The following NCAM1 variants were observed in gnomAD, a reference collection of about 807,000 sequenced individuals.
NCAM1 encodes the protein neural cell adhesion molecule 1, also known as antigen recognized by monoclonal antibody 5.1H11.
NCAM1 carries 14 observed loss-of-function variants against 109.8 expected under a neutral mutation model. That is an observed-to-expected ratio of 0.13 (90% CI 0.08 to 0.20). NCAM1 has a LOEUF of 0.20. NCAM1 is among the 10% of genes least tolerant of loss of function. NCAM1 has a pLI of 1.00. For synonymous variants in NCAM1, 418 were observed against 442.9 expected (o/e 0.94, Z 0.70); for missense variants, 774 against 1,109.9 (o/e 0.70, Z 4.30).
intron 14 of NCAM1, among the ~76,000 whole-genome samples, chr11:113,237,029 C>T (rs1016427025): frequency 2.0e-5 from 3 of 152,316 alleles, no homozygotes; most frequent in Admixed American, 2.0e-4. Context: ...TTGGGGAAGA[C>T]TAACCAGCTA....
At chr11:113,103,603 TG>T (rs1939978851) in intron 1 of NCAM1, among the ~76,000 whole-genome samples, 1 of 152,110 alleles carries the variant, frequency 6.6e-6, no homozygotes, top group South Asian at 2.1e-4. Flanking sequence ...CCAGTGATAA[TG>T]GGTGGGTTAT....
intron 1 of NCAM1, among the ~76,000 whole-genome samples, chr11:113,113,542 G>A (rs1452091020): frequency 1.3e-5 from 2 of 152,070 alleles, no homozygotes; most frequent in Non-Finnish European, 2.9e-5. Flanking sequence ...TGACTATTCA[G>A]CAGTTCTGTC....
At chr11:113,231,503 T>C in intron 9 of NCAM1, 142 bp from the exon 10 acceptor site, 1 of 965,794 alleles carries the variant, frequency 1.0e-6, no homozygotes, top group African/African-American at 1.6e-5. Context: ...AAGAAAGCCA[T>C]TGACACAGAG....
intron 15 of NCAM1, among the ~76,000 whole-genome samples, chr11:113,253,746 C>T (rs1047338269): frequency 1.4e-4 from 22 of 152,144 alleles, no homozygotes; most frequent in African/African-American, 5.3e-4. Context: ...ACTGATGCTG[C>T]CTATAAAAAT....
At chr11:112,972,342 G>A (rs1950906786) in intron 1 of NCAM1, among the ~76,000 whole-genome samples, 1 of 152,056 alleles carries the variant, frequency 6.6e-6, no homozygotes, top group Non-Finnish European at 1.5e-5. Context: ...ACTTTGCGGG[G>A]TTTTTATCAC....
chr11:113,217,498 C>T (rs1303864338), intron 8 of NCAM1, among the ~76,000 whole-genome samples: 2 of 152,004 alleles, frequency 1.3e-5, no homozygotes, highest in African/African-American at 2.4e-5. Flanking sequence ...TTCACTAGTG[C>T]TCCCCTAAAA....
At chr11:113,194,425 G>C (rs1428908670) in intron 1 of NCAM1, among the ~76,000 whole-genome samples, 2 of 152,158 alleles carry the variant, frequency 1.3e-5, no homozygotes, top group Non-Finnish European at 2.9e-5. Flanking sequence ...TACCAGGACT[G>C]CTTGCTGCAT....
At chr11:112,993,086 G>A (rs1233999528) in intron 1 of NCAM1, among the ~76,000 whole-genome samples, 1 of 152,096 alleles carries the variant, frequency 6.6e-6, no homozygotes, top group Non-Finnish European at 1.5e-5. Context: ...CTGATACTTT[G>A]CTTTTTGTAT....
At chr11:113,111,086 G>A (rs537132301) in intron 1 of NCAM1, among the ~76,000 whole-genome samples, 1 of 152,236 alleles carries the variant, frequency 6.6e-6, no homozygotes, top group East Asian at 1.9e-4. Flanking sequence ...ACAACTCATA[G>A]CACAGCTGGG....
At chr11:113,220,602 C>CTTTTTTTTTT (rs1175342641) in intron 8 of NCAM1, among the ~76,000 whole-genome samples, 2,050 of 75,606 alleles carry the variant, frequency 0.027, 350 homozygotes, top group African/African-American at 0.068. Flanking sequence ...CTCTCTCTCT[C>CTTTTTTTTTT]TTTTTTTTTT....
intron 1 of NCAM1, among the ~76,000 whole-genome samples, chr11:113,181,752 G>A (rs147442417): frequency 6.6e-4 from 101 of 152,170 alleles, no homozygotes; most frequent in African/African-American, 2.3e-3. Context: ...CCCCTCTTCC[G>A]AAAGAGGACT....
chr11:112,962,184 C>T lies in NCAM1; in HGVS notation c.52+520C>T, dbSNP rs1359698771. On this transcript the variant is annotated intron_variant, in intron 1 of 19. Coordinates refer to ENST00000316851, the MANE Select transcript of NCAM1 (RefSeq NM_181351.5). This position sits in a 1 kb window ranked among gnomAD's most constrained non-coding sequence, Gnocchi z 5.6. ...TAAAGTCAGGATCGCTGCTTTGCTT[C>T]CCCCGCCCCAGAAGAATAACGGTTT... Among the ~76,000 whole-genome samples, 3 of 152,198 alleles carry T rather than the reference C, an allele frequency of 2.0e-5. No individual in the cohort carries two copies. The highest frequency in any genetic ancestry group is 4.4e-5 in the Non-Finnish European group (3 of 68,032).
intron 1 of NCAM1, among the ~76,000 whole-genome samples, chr11:113,159,224 T>C (rs1166963561): frequency 6.6e-6 from 1 of 152,240 alleles, no homozygotes; most frequent in African/African-American, 2.4e-5. Context: ...CATTCATCTG[T>C]TTTCTCAAAT....
intron 1 of NCAM1, among the ~76,000 whole-genome samples, chr11:113,199,699 G>A (rs1555111512): frequency 6.6e-6 from 1 of 151,454 alleles, no homozygotes; most frequent in African/African-American, 2.4e-5. Context: ...CGAGTTAATG[G>A]GTGTAGCACA....
chr11:113,080,129 A>G (rs1231927331), intron 1 of NCAM1, among the ~76,000 whole-genome samples: 1 of 152,204 alleles, frequency 6.6e-6, no homozygotes, highest in African/African-American at 2.4e-5. Context: ...GTGTGAAATT[A>G]TAGGTTATCG....
intron 1 of NCAM1, among the ~76,000 whole-genome samples, chr11:113,021,671 A>G (rs1952388417): frequency 6.6e-6 from 1 of 152,250 alleles, no homozygotes; most frequent in South Asian, 2.1e-4. Flanking sequence ...TAATAATGCC[A>G]CAGCGATTTT....
rs552014298 is a variant in NCAM1, at chr11:113,145,850, GGAGGCAGTTTCTT to G, written c.53-56522_53-56510del. ...CATCTAAAAGCAAATAACCCTCTCC[GGAGGCAGTTTCTT>G]GAGGCACCAGCATCAGGATTTATTT... On this transcript the variant is annotated intron_variant, in intron 1 of 19. Coordinates refer to ENST00000316851, the MANE Select transcript of NCAM1 (RefSeq NM_181351.5). 2.8e-3 allele frequency among the ~76,000 whole-genome samples: 429 copies of G among 151,052 alleles called. 3 individuals are homozygous for G. The highest frequency in any genetic ancestry group is 9.8e-3 in the African/African-American group (402 of 41,066).
chr11:113,194,614 G>T lies in NCAM1; in HGVS notation c.53-7765G>T, dbSNP rs868928010. ...GTATGGCTTGTCTTTATACCAGGAAGCTCCGTTTTCTTTATCCTGTGGCAT... is the reference window on the plus strand; with the variant it reads ...GTATGGCTTGTCTTTATACCAGGAATCTCCGTTTTCTTTATCCTGTGGCAT... On this transcript the variant is annotated intron_variant, in intron 1 of 19. Coordinates refer to ENST00000316851, the MANE Select transcript of NCAM1 (RefSeq NM_181351.5). Among the ~76,000 whole-genome samples, 13 of 152,280 alleles carry T rather than the reference G, an allele frequency of 8.5e-5. No individual in the cohort carries two copies. The South Asian group carries it at 2.7e-3, about 32-fold the overall frequency.
At chr11:113,071,162 T>C (rs567698824) in intron 1 of NCAM1, among the ~76,000 whole-genome samples, 3 of 152,020 alleles carry the variant, frequency 2.0e-5, no homozygotes, top group Non-Finnish European at 4.4e-5. Flanking sequence ...AGATGACAGG[T>C]GTTGGTATGA....
Sources: gnomAD v4.1 joint callset for allele counts (sites outside exome capture counted in the v4.1 genomes callset) on GRCh38, gnomAD v4.1.1 for gene constraint, Gnocchi (gnomAD v3.1) non-coding constraint, MANE v1.5 for transcripts, NCBI Gene and HGNC (gene_info 2026-07-23, HGNC 2026-07-21) for gene names.